Variants in SORL1 observed in about 807,000 individuals in gnomAD.
SORL1 encodes sortilin related receptor 1, also known as sortilin-related receptor.
In SORL1, 127 loss-of-function variants were observed where a neutral mutation model predicts 273.7. The observed-to-expected ratio is 0.46, with a 90% CI of 0.40 to 0.54. The LOEUF (loss-of-function observed/expected upper bound fraction) is 0.54, where lower values mean the gene tolerates loss of function less well. Among genes scored for constraint, SORL1 ranks in the 20% least tolerant of loss-of-function variants. The pLI, the probability that SORL1 is intolerant of heterozygous loss-of-function variation, is 0.00. For synonymous variants in SORL1, 1,031 were observed against 1,067.4 expected, an observed-to-expected ratio of 0.97 and a Z score of 0.66; for missense variants, 2,494 against 2,846.1, an observed-to-expected ratio of 0.88 and a Z score of 2.81.
rs150817325 is a variant in SORL1 at position 121,496,735 on chromosome 11, A to G, written c.759-134A>G. Reference sequence around the variant, plus strand: ...AGGAGTAACCAAAGGGATATGTTTGAGGCACAGAGAGTATGATCTGTGGGT... The same window carrying G: ...AGGAGTAACCAAAGGGATATGTTTGGGGCACAGAGAGTATGATCTGTGGGT... On this transcript the variant is annotated intron_variant, in intron 5 of 47. Transcript: ENST00000260197. 8.7e-5 allele frequency: 59 copies of G among 680,330 alleles called. No homozygotes were observed. The African/African-American group carries it at 1.0e-3, about 12-fold the overall frequency. 42.1% of individuals were successfully genotyped at this position (680,330 alleles called of 1,614,324 possible).
intron 25 of SORL1, among the ~76,000 whole-genome samples, chr11:121,581,092 A>G (rs1863008961): frequency 6.6e-6 from 1 of 151,460 alleles, no homozygotes; most frequent in Non-Finnish European, 1.5e-5. Flanking sequence ...TTGTGTTTTT[A>G]GTAGAGATGA....
chr11:121,538,838 C>A (rs1862306198), intron 12 of SORL1, among the ~76,000 whole-genome samples: 1 of 152,072 alleles, frequency 6.6e-6, no homozygotes, highest in Non-Finnish European at 1.5e-5. Context: ...ACCACCACGC[C>A]CAGCTAATTT....
chr11:121,471,378 G>A (rs11218301), intron 2 of SORL1, among the ~76,000 whole-genome samples: 48,271 of 152,040 alleles, frequency 0.32, 8,809 homozygotes, highest in Middle Eastern at 0.46. Context: ...TACAGACACC[G>A]CGTGAGCCAG....
chr11:121,587,840 G>A (rs1863141235), intron 27 of SORL1, among the ~76,000 whole-genome samples, 180 bp from the exon 28 acceptor site: 1 of 152,162 alleles, frequency 6.6e-6, no homozygotes, highest in Non-Finnish European at 1.5e-5. Flanking sequence ...AGGGTTTAAT[G>A]ATGCACTTTA....
chr11:121,605,372 T>A, intron 34 of SORL1, 30 bp from the exon 35 acceptor site: 1 of 1,600,214 alleles, frequency 6.2e-7, no homozygotes, highest in Non-Finnish European at 8.5e-7. Flanking sequence ...TGCTCCAGTG[T>A]GACAATATCT....
At chr11:121,503,594 C>T (rs778031095) in intron 6 of SORL1, among the ~76,000 whole-genome samples, 2 of 152,000 alleles carry the variant, frequency 1.3e-5, no homozygotes, top group Non-Finnish European at 2.9e-5. Context: ...GCTTAAAGGT[C>T]CTCCTGCCCC....
At chr11:121,567,245 A>T in intron 22 of SORL1, 132 bp downstream of exon 22, 1 of 772,574 alleles carries the variant, frequency 1.3e-6, no homozygotes, top group Non-Finnish European at 2.0e-6. Context: ...TAAAAATCAA[A>T]CCTACCAGAT....
intron 45 of SORL1, among the ~76,000 whole-genome samples, chr11:121,624,487 T>C (rs988271972): frequency 1.7e-4 from 26 of 152,116 alleles, no homozygotes; most frequent in African/African-American, 6.3e-4. Context: ...TCTCCTCCAG[T>C]GAACAGGGGC....
At chr11:121,620,059 T>G in intron 43 of SORL1, 142 bp downstream of exon 43, 1 of 686,368 alleles carries the variant, frequency 1.5e-6, no homozygotes, top group South Asian at 1.8e-5. Context: ...CCCATTTCAG[T>G]CTGACCAAAG....
chr11:121,574,926 C>T (rs932042126), intron 24 of SORL1, among the ~76,000 whole-genome samples: 2 of 151,874 alleles, frequency 1.3e-5, no homozygotes, highest in African/African-American at 4.8e-5. Context: ...GCTGAAGACA[C>T]AAATCTGCAC....
intron 21 of SORL1, 169 bp from the exon 22 acceptor site, chr11:121,566,771 G>A (rs1299941592): frequency 1.6e-6 from 1 of 607,200 alleles, no homozygotes; most frequent in East Asian, 2.9e-5. Context: ...GTTATACTGA[G>A]CAGAAGTTTT....
intron 11 of SORL1, among the ~76,000 whole-genome samples, chr11:121,524,560 A>G (rs1311976735): frequency 6.6e-6 from 1 of 152,200 alleles, no homozygotes; most frequent in Non-Finnish European, 1.5e-5. Context: ...TAGAGGGACA[A>G]TCTGGGCTGT....
At position 121,625,082 on chromosome 11, in the gene SORL1, C is replaced by T. The variant is rs370304688; in HGVS notation, c.6172-3C>T. ...CTGAGCAATCTCTTGTGTTTGTTTTCAGGGCTATGAGATACACATGTTTGA... is the reference window on the plus strand; with the variant it reads ...CTGAGCAATCTCTTGTGTTTGTTTTTAGGGCTATGAGATACACATGTTTGA... On this transcript the variant is annotated splice_region_variant and splice_polypyrimidine_tract_variant and intron_variant, in intron 45 of 47. Transcript: ENST00000260197. 113 of 1,600,208 alleles carry T rather than the reference C, an allele frequency of 7.1e-5. No individual in the cohort carries two copies. Among genetic ancestry groups the T allele is most frequent in the Non-Finnish European group, 8.4e-5 (98 of 1,170,536 alleles).
chr11:121,477,682 C>T (rs1358464041), intron 2 of SORL1, among the ~76,000 whole-genome samples: 1 of 152,098 alleles, frequency 6.6e-6, no homozygotes, highest in Non-Finnish European at 1.5e-5. Flanking sequence ...TCTGTCATTT[C>T]CTATCAGGCA....
chr11:121,609,067 GATGGACTAC>G lies in SORL1; in HGVS notation c.5239+893_5239+901del, dbSNP rs1196174204. On this transcript the variant is annotated intron_variant, in intron 38 of 47. Transcript: ENST00000260197. The stretch of plus-strand genomic sequence containing the variant: ...TGAAGGGTTCTGGCATACTTTGGGA[GATGGACTAC>G]AACTCATTTTCCAGAGTGGTTTTCC... 2.0e-5 allele frequency: 3 copies of G among 152,266 alleles called. No homozygotes were observed. The East Asian group carries it at 5.8e-4, about 29-fold the overall frequency. 9.4% of individuals were successfully genotyped at this position (152,266 alleles called of 1,614,324 possible).
At chr11:121,564,881 A>G (rs1239747653) in intron 21 of SORL1, among the ~76,000 whole-genome samples, 1 of 152,164 alleles carries the variant, frequency 6.6e-6, no homozygotes, top group East Asian at 1.9e-4. Flanking sequence ...CCGGTAATAG[A>G]GTATTTTAAA....
chr11:121,523,396 A>G (rs1862070521), intron 11 of SORL1, among the ~76,000 whole-genome samples: 1 of 151,896 alleles, frequency 6.6e-6, no homozygotes, highest in African/African-American at 2.4e-5. Context: ...ATTATTTTGT[A>G]TATTATTGAA....
At chr11:121,564,623 C>T (rs1055952673) in intron 21 of SORL1, among the ~76,000 whole-genome samples, 4 of 152,154 alleles carry the variant, frequency 2.6e-5, no homozygotes, top group East Asian at 1.9e-4. Context: ...GTTACCCAGG[C>T]TGGAGTGCAG....
chr11:121,604,398 G>A (rs1863437747), intron 33 of SORL1, 74 bp downstream of exon 33: 15 of 1,560,612 alleles, frequency 9.6e-6, no homozygotes, highest in Non-Finnish European at 1.3e-5. Context: ...CCCCTCCTGT[G>A]TAGACCTTGA....
Sources: allele counts gnomAD v4.1 joint callset (sites outside exome capture counted in the v4.1 genomes callset), GRCh38; gene constraint gnomAD v4.1.1; transcripts MANE v1.5; gene names NCBI Gene and HGNC (gene_info 2026-07-23, HGNC 2026-07-21).